MRPL19: variants seen among roughly 807,000 people sequenced by gnomAD.
The protein encoded by MRPL19 is large ribosomal subunit protein bL19m.
MRPL19 carries 31 observed loss-of-function variants against 34.0 expected under a neutral mutation model. The observed-to-expected ratio is 0.91, with a 90% CI of 0.68 to 1.23. The LOEUF (loss-of-function observed/expected upper bound fraction) is 1.23. Among genes scored for constraint, MRPL19 ranks in the 50% most tolerant of loss-of-function variants. The pLI, the probability that MRPL19 is intolerant of heterozygous loss-of-function variation, is 0.00. For synonymous variants in MRPL19, 152 were observed against 127.7 expected (o/e 1.19, Z -1.28); for missense variants, 384 against 367.6 (o/e 1.04, Z -0.37).
Position 75,655,238 on chromosome 2 carries a change from A to C in MRPL19, c.832A>C (p.Ile278Leu). 6.2e-7 allele frequency: 1 copy of C among 1,613,518 alleles called. No homozygotes were observed. The highest frequency in any genetic ancestry group is 8.5e-7 in the Non-Finnish European group (1 of 1,179,748). ...GATGAGGGAATATGATACTTCAAAAATTGAAGCTGCAATATGGAAGGAAAT... is the reference window on the plus strand; with the variant it reads ...GATGAGGGAATATGATACTTCAAAACTTGAAGCTGCAATATGGAAGGAAAT... Reference protein sequence around the residue: ...DMMREYDTSKIEAAIWKEIEA... With the variant: ...DMMREYDTSKLEAAIWKEIEA... Residue 278 changes from isoleucine (I) to leucine (L), a missense_variant, in exon 6 of 6, where the codon ATT (isoleucine) becomes CTT (leucine). Ile to Leu is a conservative substitution (Grantham distance 5). Coordinates refer to ENST00000393909, the MANE Select transcript of MRPL19 (RefSeq NM_014763.4).
rs145774678 is a variant in MRPL19, at chr2:75,652,302, G to A, written c.340+42G>A. On this transcript the variant is annotated intron_variant, in intron 3 of 5. Transcript: ENST00000393909. ...TGTTTTTATTATTAGTAATTAGGAT[G>A]GCTAGTTTGTGATTGGATGGTTAGT... The A allele has an allele frequency of 2.2e-4, 310 of 1,404,750 alleles. 1 individual carries two copies. In the East Asian group the frequency reaches 6.6e-3, roughly 30 times the overall value. The allele number at this position is 1,404,750 out of a possible 1,614,324, so 87.0% of individuals were successfully genotyped here.
In MRPL19 at chr2:75,658,413, C is replaced by T. The variant is rs925119449; in HGVS notation, c.*3128C>T. Among the ~76,000 whole-genome samples, 3 of 152,108 alleles carry T rather than the reference C, an allele frequency of 2.0e-5. No homozygotes were observed. Among genetic ancestry groups the T allele is most frequent in the Non-Finnish European group, 4.4e-5 (3 of 68,014 alleles). On this transcript the variant is annotated 3_prime_UTR_variant, in exon 6 of 6. Coordinates refer to ENST00000393909, the MANE Select transcript of MRPL19 (RefSeq NM_014763.4). Reference sequence around the variant, plus strand: ...TTGTTCATCCATCTTCTGATGAACACTGGGATATGTCTACCTTTTGGCTAT... The same window carrying T: ...TTGTTCATCCATCTTCTGATGAACATTGGGATATGTCTACCTTTTGGCTAT...
At chr2:75,655,030 C>CT (rs35367062) in intron 5 of MRPL19, 34 bp from the exon 6 acceptor site, 24,388 of 1,152,500 alleles carry the variant, frequency 0.021, 300 homozygotes, top group African/African-American at 0.095. Context: ...CTAATTATTG[C>CT]TTTTTTTTTT....
At chr2:75,647,018 A>G in intron 1 of MRPL19, 84 bp from the exon 2 acceptor site, 1 of 1,485,636 alleles carries the variant, frequency 6.7e-7, no homozygotes, top group Non-Finnish European at 9.0e-7. Flanking sequence ...CCCCCGTGGG[A>G]CGCCGGGTTG....
chr2:75,654,769 G>C lies in MRPL19; in HGVS notation c.509G>C (p.Arg170Pro). ...ATTTGCTTTGAACTTTATAATCCTCGGGTCCAGGAGATTCAGGTGGTCAAA... is the reference window on the plus strand; with the variant it reads ...ATTTGCTTTGAACTTTATAATCCTCCGGTCCAGGAGATTCAGGTGGTCAAA... ...VEICFELYNP[R>P]VQEIQVVKLE... Residue 170 changes from arginine (R) to proline (P), a missense_variant, in exon 5 of 6, where the codon CGG becomes CCG. Coordinates refer to ENST00000393909, the MANE Select transcript of MRPL19 (RefSeq NM_014763.4). 1.9e-6 allele frequency: 3 copies of C among 1,613,566 alleles called. No individual in the cohort carries two copies. The highest frequency in any genetic ancestry group is 1.7e-6 in the Non-Finnish European group (2 of 1,179,762).
Position 75,655,461 on chromosome 2 carries a change from AG to A in MRPL19, c.*177del. The A allele has an allele frequency of 1.9e-6, 1 of 536,230 alleles. No homozygotes were observed. Among genetic ancestry groups the A allele is most frequent in the Non-Finnish European group, 3.2e-6 (1 of 310,892 alleles). The allele number at this position is 536,230 out of a possible 1,614,324, so 33.2% of individuals were successfully genotyped here. A position where few individuals can be genotyped will look rare whatever the true frequency, so the allele number is the denominator to read the frequency against. ...TGTACACCAGTTTATTACTCTAAAA[AG>A]AGAATTACACATGCCAAATGGACCA... On this transcript the variant is annotated 3_prime_UTR_variant, in exon 6 of 6. Transcript: ENST00000393909.
At position 75,658,966 on chromosome 2, in the gene MRPL19, A is replaced by G. The variant is rs1465778797; in HGVS notation, c.*3681A>G. On this transcript the variant is annotated 3_prime_UTR_variant, in exon 6 of 6. Coordinates refer to ENST00000393909, the MANE Select transcript of MRPL19 (RefSeq NM_014763.4). ...TTGTTTTGTTTTGTTTTTTCTGTCC[A>G]TTCTGCCAATTTCTGCCTTTTGATT... Among the ~76,000 whole-genome samples, 1 of 147,266 alleles carries G rather than the reference A, an allele frequency of 6.8e-6. No homozygotes were observed. The highest frequency in any genetic ancestry group is 1.5e-5 in the Non-Finnish European group (1 of 66,768).
At position 75,646,817 on chromosome 2, in the gene MRPL19, T is replaced by C. The variant is rs1014371338; in HGVS notation, c.10T>C (p.Cys4Arg). 14 of 1,536,736 alleles carry C rather than the reference T, an allele frequency of 9.1e-6. No homozygotes were observed. Among genetic ancestry groups the C allele is most frequent in the Non-Finnish European group, 1.1e-5 (13 of 1,141,134 alleles). ...ACGTGAGCTAGCTGGCATGGCGGCC[T>C]GCATTGCAGCGGGGCACTGGGCTGC... MAA[C>R]IAAGHWAAMG... Residue 4 changes from cysteine to arginine, a missense_variant, in exon 1 of 6, where the codon TGC becomes CGC. Coordinates refer to ENST00000393909, the MANE Select transcript of MRPL19 (RefSeq NM_014763.4).
rs1258380502 is a variant in MRPL19 at position 75,655,409 on chromosome 2, TTAA to T, written c.*127_*129del. The T allele has an allele frequency of 1.4e-6, 1 of 708,246 alleles. No homozygotes were observed. 43.9% of individuals were successfully genotyped at this position (708,246 alleles called of 1,614,324 possible). Reference sequence around the variant, plus strand: ...AGTGAACTAAGCATTCATTGTTTTATTAATACTTTTTTTCTAAAATAAAACTTG... The same window carrying T: ...AGTGAACTAAGCATTCATTGTTTTATTACTTTTTTTCTAAAATAAAACTTG... On this transcript the variant is annotated 3_prime_UTR_variant, in exon 6 of 6. Transcript: ENST00000393909.
intron 2 of MRPL19, chr2:75,647,461 C>T (rs1321483482): frequency 3.9e-6 from 2 of 510,754 alleles, no homozygotes; most frequent in Non-Finnish European, 6.9e-6. Flanking sequence ...ATATTTTAAA[C>T]TCTTTTCTCT....
chr2:75,651,031 G>A (rs946705157), intron 2 of MRPL19, among the ~76,000 whole-genome samples: 1 of 152,148 alleles, frequency 6.6e-6, no homozygotes, highest in African/African-American at 2.4e-5. Context: ...GCATAAACAA[G>A]CTCTTACTGT....
In MRPL19 at chr2:75,647,039, C is replaced by T. The variant is rs1406531217; in HGVS notation, c.104-63C>T. ...TGGGACGCCGGGTTGGGGGAGATTG[C>T]GGGGCTCTGCGGGATCTCAGGGTTG... On this transcript the variant is annotated intron_variant, in intron 1 of 5. Transcript: ENST00000393909. 6 of 1,496,490 alleles carry T rather than the reference C, an allele frequency of 4.0e-6. No individual in the cohort carries two copies. In the Admixed American group the frequency reaches 6.4e-5, roughly 16 times the overall value. 92.7% of individuals were successfully genotyped at this position (1,496,490 alleles called of 1,614,324 possible).
intron 4 of MRPL19, among the ~76,000 whole-genome samples, chr2:75,654,117 C>A (rs1003317300): frequency 1.3e-5 from 2 of 152,096 alleles, no homozygotes; most frequent in African/African-American, 4.8e-5. Context: ...GCTGGGAAAT[C>A]TAAGTTCAAG....
chr2:75,654,602 A>G (rs1467539545), intron 4 of MRPL19, 134 bp from the exon 5 acceptor site: 1 of 696,190 alleles, frequency 1.4e-6, no homozygotes, highest in Admixed American at 3.3e-5. Context: ...TATCTTAAAA[A>G]TTTCAAATTA....
intron 2 of MRPL19, 155 bp downstream of exon 2, chr2:75,647,374 C>T (rs1159023652): frequency 7.5e-6 from 5 of 669,010 alleles, no homozygotes; most frequent in Admixed American, 3.3e-5. Flanking sequence ...ACTGTTCTTT[C>T]TTTCTCACTT....
At position 75,661,307 on chromosome 2, in the gene MRPL19, G is replaced by A. The variant is rs1312679220; in HGVS notation, c.*6022G>A. The A allele has an allele frequency of 6.6e-6, 1 of 152,082 alleles. No homozygotes were observed. The highest frequency in any genetic ancestry group is 2.4e-5 in the African/African-American group (1 of 41,396). The allele number at this position is 152,082 out of a possible 1,614,324, so 9.4% of individuals were successfully genotyped here. On this transcript the variant is annotated 3_prime_UTR_variant, in exon 6 of 6. Coordinates refer to ENST00000393909, the MANE Select transcript of MRPL19 (RefSeq NM_014763.4). ...TCAGAGTTCTGATAAAATTGGCTAT[G>A]CCTGTTCCTGCTTTAAAAAATATAT...
chr2:75,648,337 G>A lies in MRPL19; in HGVS notation c.221+1118G>A, dbSNP rs558397387. 2.0e-5 allele frequency among the ~76,000 whole-genome samples: 3 copies of A among 152,216 alleles called. No individual in the cohort carries two copies. The East Asian group carries it at 5.8e-4, about 29-fold the overall frequency. On this transcript the variant is annotated intron_variant, in intron 2 of 5. Coordinates refer to ENST00000393909, the MANE Select transcript of MRPL19 (RefSeq NM_014763.4). The stretch of plus-strand genomic sequence containing the variant: ...AACTCCTAACGTGTATGTACAAGGA[G>A]ACAAGCACGAGAATGAATGTAACAG...
intron 2 of MRPL19, among the ~76,000 whole-genome samples, chr2:75,648,584 G>A (rs1011397227): frequency 1.3e-5 from 2 of 152,132 alleles, no homozygotes; most frequent in Non-Finnish European, 2.9e-5. Context: ...TATAGGCCGG[G>A]TGCGGTGGCT....
Position 75,659,992 on chromosome 2 carries a change from A to G in MRPL19, c.*4707A>G, listed in dbSNP as rs533841450. On this transcript the variant is annotated 3_prime_UTR_variant, in exon 6 of 6. Coordinates refer to ENST00000393909, the MANE Select transcript of MRPL19 (RefSeq NM_014763.4). ...TTCTTTTCCTTCTGAAATATTCTTA[A>G]TGTATATGTTGGTCTGTTTGATGCT... Among the ~76,000 whole-genome samples the G allele has an allele frequency of 6.6e-5, 10 of 151,750 alleles. No homozygotes were observed. Among genetic ancestry groups the G allele is most frequent in the African/African-American group, 2.4e-4 (10 of 41,364 alleles).
Sources: gnomAD v4.1 joint callset for allele counts (sites outside exome capture counted in the v4.1 genomes callset) on GRCh38, gnomAD v4.1.1 for gene constraint, MANE v1.5 for transcripts, NCBI Gene and HGNC (gene_info 2026-07-23, HGNC 2026-07-21) for gene names.